Variants in BOLA1 observed in about 807,000 individuals in gnomAD.
BOLA1 encodes the protein bolA-like protein 1.
BOLA1 carries 6 observed loss-of-function variants against 6.6 expected under a neutral mutation model. That is an observed-to-expected ratio of 0.92 (90% CI 0.50 to 1.81). The LOEUF (loss-of-function observed/expected upper bound fraction) is 1.81, where lower values mean the gene tolerates loss of function less well. Ranked by LOEUF, BOLA1 falls within the 40% of genes most tolerant of loss-of-function variation. The pLI, the probability that BOLA1 is intolerant of heterozygous loss-of-function variation, is 0.01. For missense variants in BOLA1, 183 were observed against 186.8 expected (o/e 0.98, Z 0.12); for synonymous variants, 87 against 85.6 (o/e 1.02, Z -0.09).
rs1553761695 is a variant in BOLA1, at chr1:149,900,244, C to T, written c.185C>T (p.Pro62Leu). Residue 62 changes from proline to leucine, a missense_variant, in exon 2 of 2, where the codon CCT becomes CTT. Coordinates refer to ENST00000369152, the MANE Select transcript of BOLA1 (RefSeq NM_016074.5). ...RNESGGHAVP[P>L]GSETHFRVAV... is the part of the protein sequence containing the mutation. Reference sequence around the variant, plus strand: ...GAGAGCGGTGGCCACGCGGTCCCGCCTGGCAGTGAGACTCACTTCCGCGTG... The same window carrying T: ...GAGAGCGGTGGCCACGCGGTCCCGCTTGGCAGTGAGACTCACTTCCGCGTG... 1.2e-6 allele frequency: 2 copies of T among 1,612,870 alleles called. No individual in the cohort carries two copies. The highest frequency in any genetic ancestry group is 1.3e-5 in the African/African-American group (1 of 74,924).
intron 1 of BOLA1, 21 bp from the exon 2 acceptor site, chr1:149,899,989 T>A (rs1260600121): frequency 6.6e-7 from 1 of 1,503,910 alleles, no homozygotes; most frequent in East Asian, 2.3e-5. Context: ...GGGGCGGGTG[T>A]TGACATTGTG....
chr1:149,899,932 C>G lies in BOLA1; in HGVS notation c.-50-78C>G, dbSNP rs587770887. ...CATCAAGGCGGGCTCCCTATAGGAG[C>G]TGGTGTGGACGTCCGGGCGTGGGGT... On this transcript the variant is annotated intron_variant, in intron 1 of 1. Coordinates refer to ENST00000369152, the MANE Select transcript of BOLA1 (RefSeq NM_016074.5). 17 of 1,227,320 alleles carry G rather than the reference C, an allele frequency of 1.4e-5. No homozygotes were observed. The South Asian group carries it at 1.7e-4, about 12-fold the overall frequency. 76.0% of individuals were successfully genotyped at this position (1,227,320 alleles called of 1,614,324 possible).
chr1:149,900,213 C>T lies in BOLA1; in HGVS notation c.154C>T (p.Arg52Cys). The change falls in exon 2 of 2, where the codon CGC becomes TGC. Residue 52 changes from arginine to cysteine, a missense_variant. Physicochemically the swap from Arg to Cys is radical, Grantham distance 180. Transcript: ENST00000369152. Reference protein sequence around the residue: ...EALSPEVLELRNESGGHAVPP... With the variant: ...EALSPEVLELCNESGGHAVPP... ...CCTGAGCCCCGAGGTGCTAGAGCTTCGCAACGAGAGCGGTGGCCACGCGGT... is the reference window on the plus strand; with the variant it reads ...CCTGAGCCCCGAGGTGCTAGAGCTTTGCAACGAGAGCGGTGGCCACGCGGT... 1 of 1,613,576 alleles carries T rather than the reference C, an allele frequency of 6.2e-7. No homozygotes were observed. The highest frequency in any genetic ancestry group is 1.1e-5 in the South Asian group (1 of 91,078).
In BOLA1 at chr1:149,900,753, G is replaced by A. The variant is rs765774693; in HGVS notation, c.*280G>A. 2.8e-5 allele frequency: 11 copies of A among 393,736 alleles called. No individual in the cohort carries two copies. Among genetic ancestry groups the A allele is most frequent in the Non-Finnish European group, 4.6e-5 (10 of 216,090 alleles). The allele number at this position is 393,736 out of a possible 1,614,324, so 24.4% of individuals were successfully genotyped here. A position where few individuals can be genotyped will look rare whatever the true frequency, so the allele number is the denominator to read the frequency against. On this transcript the variant is annotated 3_prime_UTR_variant, in exon 2 of 2. Transcript: ENST00000369152. ...GTGACAGAATTGCACCAGACCTGAT[G>A]AGTTGGAAACAATCCTATACATTAA...
intron 1 of BOLA1, 79 bp from the exon 2 acceptor site, chr1:149,899,931 G>A (rs2092381371): frequency 8.2e-7 from 1 of 1,220,592 alleles, no homozygotes; most frequent in South Asian, 1.5e-5. Context: ...CCCTATAGGA[G>A]CTGGTGTGGA....
chr1:149,899,741 G>T, intron 1 of BOLA1, 69 bp downstream of exon 1: 1 of 358,006 alleles, frequency 2.8e-6, no homozygotes, highest in Admixed American at 4.4e-5. Context: ...GTACGCAGTT[G>T]CACATGCCCT....
rs1219807501 is a variant in BOLA1, at chr1:149,899,994, A to G, written c.-50-16A>G. 9.9e-6 allele frequency: 15 copies of G among 1,512,476 alleles called. No homozygotes were observed. The Admixed American group carries it at 1.3e-4, about 13-fold the overall frequency. The allele number at this position is 1,512,476 out of a possible 1,614,324, so 93.7% of individuals were successfully genotyped here. On this transcript the variant is annotated splice_polypyrimidine_tract_variant and intron_variant, in intron 1 of 1. Transcript: ENST00000369152. Reference sequence around the variant, plus strand: ...CGGGGATCGCGGGGCGGGTGTTGACATTGTGCTCTCACCAGGCGGATCGCC... The same window carrying G: ...CGGGGATCGCGGGGCGGGTGTTGACGTTGTGCTCTCACCAGGCGGATCGCC...
At position 149,900,501 on chromosome 1, in the gene BOLA1, G is replaced by A. The variant is rs782749046; in HGVS notation, c.*28G>A. ...CCCAAGAGAGGGAGGACCAGGATCC[G>A]AATGGGCTGGGTGAGCACGAATTAC... On this transcript the variant is annotated 3_prime_UTR_variant, in exon 2 of 2. Coordinates refer to ENST00000369152, the MANE Select transcript of BOLA1 (RefSeq NM_016074.5). 17 of 1,538,390 alleles carry A rather than the reference G, an allele frequency of 1.1e-5. No homozygotes were observed. The highest frequency in any genetic ancestry group is 3.7e-5 in the South Asian group (3 of 80,602).
intron 1 of BOLA1, 140 bp from the exon 2 acceptor site, chr1:149,899,870 A>C: frequency 1.7e-6 from 1 of 587,490 alleles, no homozygotes; most frequent in Non-Finnish European, 2.8e-6. Flanking sequence ...CACGTCACGT[A>C]GAGAAAAGGG....
Position 149,900,550 on chromosome 1 carries a change from C to A in BOLA1, c.*77C>A. On this transcript the variant is annotated 3_prime_UTR_variant, in exon 2 of 2. Coordinates refer to ENST00000369152, the MANE Select transcript of BOLA1 (RefSeq NM_016074.5). The stretch of plus-strand genomic sequence containing the variant: ...ACCGAGGCCTTCCCTTTGATACAGT[C>A]CAGGATTTGTAAGGGATGAAGACCC... The A allele has an allele frequency of 2.0e-6, 3 of 1,466,006 alleles. No individual in the cohort carries two copies. The highest frequency in any genetic ancestry group is 2.8e-6 in the Non-Finnish European group (3 of 1,090,434). 90.8% of individuals were successfully genotyped at this position (1,466,006 alleles called of 1,614,324 possible).
chr1:149,900,577 T>A lies in BOLA1; in HGVS notation c.*104T>A. The A allele has an allele frequency of 7.6e-7, 1 of 1,311,434 alleles. No individual in the cohort carries two copies. The highest frequency in any genetic ancestry group is 2.4e-5 in the East Asian group (1 of 41,240). The allele number at this position is 1,311,434 out of a possible 1,614,324, so 81.2% of individuals were successfully genotyped here. A position where few individuals can be genotyped will look rare whatever the true frequency, so the allele number is the denominator to read the frequency against. ...AGGATTTGTAAGGGATGAAGACCCC[T>A]GGGCCCCATTCTGTTGGGGTCCATA... On this transcript the variant is annotated 3_prime_UTR_variant, in exon 2 of 2. Transcript: ENST00000369152.
rs368205260 is a variant in BOLA1, at chr1:149,900,082, T to C, written c.23T>C (p.Leu8Pro). The C allele has an allele frequency of 1.2e-6, 2 of 1,601,736 alleles. No individual in the cohort carries two copies. The highest frequency in any genetic ancestry group is 2.7e-5 in the African/African-American group (2 of 74,726). The change falls in exon 2 of 2, where the codon CTG becomes CCG. Residue 8 changes from leucine (L) to proline (P), a missense_variant. Transcript: ENST00000369152. MLSGRLV[L>P]GLVSMAGRVC... ...CCCATGCTGAGTGGGCGGCTGGTCCTGGGTCTGGTCTCCATGGCTGGCCGC... is the reference window on the plus strand; with the variant it reads ...CCCATGCTGAGTGGGCGGCTGGTCCCGGGTCTGGTCTCCATGGCTGGCCGC...
In BOLA1 at chr1:149,900,012, G is replaced by T. The variant is rs2092382108; in HGVS notation, c.-48G>T. On this transcript the variant is annotated splice_region_variant and 5_prime_UTR_variant, in exon 2 of 2. Transcript: ENST00000369152. ...TGTTGACATTGTGCTCTCACCAGGC[G>T]GATCGCCCCGACCCTCACTCCTGGC... 6.5e-7 allele frequency: 1 copy of T among 1,529,416 alleles called. No homozygotes were observed. Among genetic ancestry groups the T allele is most frequent in the African/African-American group, 1.4e-5 (1 of 72,754 alleles). The allele number at this position is 1,529,416 out of a possible 1,614,324, so 94.7% of individuals were successfully genotyped here.
rs375604064 is a variant in BOLA1 at position 149,900,092 on chromosome 1, C to G, written c.33C>G (p.Val11=). 6.2e-7 allele frequency: 1 copy of G among 1,608,112 alleles called. No individual in the cohort carries two copies. The highest frequency in any genetic ancestry group is 8.5e-7 in the Non-Finnish European group (1 of 1,176,080). Residue 11 remains valine (V), a synonymous_variant, in exon 2 of 2, where the codon GTC becomes GTG. Transcript: ENST00000369152. MLSGRLVLGL[V]SMAGRVCLCQ... is the part of the protein sequence containing the mutation. ...GTGGGCGGCTGGTCCTGGGTCTGGTCTCCATGGCTGGCCGCGTTTGTTTGT... is the reference window on the plus strand; with the variant it reads ...GTGGGCGGCTGGTCCTGGGTCTGGTGTCCATGGCTGGCCGCGTTTGTTTGT...
In BOLA1 at chr1:149,900,731, A is replaced by G. The variant is rs1237971241; in HGVS notation, c.*258A>G. ...CCCGGATGTTCCATGTTAAATCGTG[A>G]CAGAATTGCACCAGACCTGATGAGT... On this transcript the variant is annotated 3_prime_UTR_variant, in exon 2 of 2. Transcript: ENST00000369152. 2 of 433,410 alleles carry G rather than the reference A, an allele frequency of 4.6e-6. No individual in the cohort carries two copies. The highest frequency in any genetic ancestry group is 4.0e-5 in the African/African-American group (2 of 49,574). 26.8% of individuals were successfully genotyped at this position (433,410 alleles called of 1,614,324 possible). A position where few individuals can be genotyped will look rare whatever the true frequency, so the allele number is the denominator to read the frequency against.
rs1559781837 is a variant in BOLA1 at position 149,900,453 on chromosome 1, A to G, written c.394A>G (p.Lys132Glu). The G allele has an allele frequency of 6.3e-7, 1 of 1,584,618 alleles. No individual in the cohort carries two copies. The highest frequency in any genetic ancestry group is 8.6e-7 in the Non-Finnish European group (1 of 1,160,578). The change falls in exon 2 of 2, where the codon AAA becomes GAA. Residue 132 changes from lysine to glutamate, a missense_variant. Transcript: ENST00000369152. ...CCCCCCATGCCTGGGTGGGAACAAGAAAACTCTAGGAACCCCCTGAACCCC... is the reference window on the plus strand; with the variant it reads ...CCCCCCATGCCTGGGTGGGAACAAGGAAACTCTAGGAACCCCCTGAACCCC... ...TSPPCLGGNK[K>E]TLGTP is the part of the protein sequence containing the mutation.
In BOLA1 at chr1:149,900,280, G is replaced by A; in HGVS notation, c.221G>A (p.Ser74Asn). The A allele has an allele frequency of 6.2e-7, 1 of 1,613,578 alleles. No homozygotes were observed. Among genetic ancestry groups the A allele is most frequent in the Non-Finnish European group, 8.5e-7 (1 of 1,179,760 alleles). Residue 74 changes from serine to asparagine, a missense_variant, in exon 2 of 2, where the codon AGC becomes AAC. By Grantham distance (46) the Ser-to-Asn change is conservative. Transcript: ENST00000369152. ...ACTCACTTCCGCGTGGCTGTGGTGAGCTCTCGTTTCGAGGGACTGAGCCCC... is the reference window on the plus strand; with the variant it reads ...ACTCACTTCCGCGTGGCTGTGGTGAACTCTCGTTTCGAGGGACTGAGCCCC... ...SETHFRVAVV[S>N]SRFEGLSPLQ...
Position 149,900,646 on chromosome 1 carries a change from C to A in BOLA1, c.*173C>A. 1 of 670,382 alleles carries A rather than the reference C, an allele frequency of 1.5e-6. No individual in the cohort carries two copies. The highest frequency in any genetic ancestry group is 2.4e-6 in the Non-Finnish European group (1 of 412,908). 41.5% of individuals were successfully genotyped at this position (670,382 alleles called of 1,614,324 possible). ...CAACTTGCTTCAGGTCAAAGTGAAC[C>A]CGAGAAAAGAGAAGAATCACTCACT... On this transcript the variant is annotated 3_prime_UTR_variant, in exon 2 of 2. Transcript: ENST00000369152.
Position 149,900,169 on chromosome 1 carries a change from G to C in BOLA1, c.110G>C (p.Arg37Pro), listed in dbSNP as rs782487899. 25 of 1,613,696 alleles carry C rather than the reference G, an allele frequency of 1.5e-5. No individual in the cohort carries two copies. Among genetic ancestry groups the C allele is most frequent in the Non-Finnish European group, 2.1e-5 (25 of 1,179,832 alleles). ...GAIGPVEAAI[R>P]TKLEEALSPE... is the part of the protein sequence containing the mutation. Reference sequence around the variant, plus strand: ...ATCGGTCCGGTGGAGGCCGCCATTCGCACGAAGTTGGAGGAGGCCCTGAGC... The same window carrying C: ...ATCGGTCCGGTGGAGGCCGCCATTCCCACGAAGTTGGAGGAGGCCCTGAGC... The change falls in exon 2 of 2, where the codon CGC becomes CCC. Residue 37 changes from arginine to proline, a missense_variant. Transcript: ENST00000369152.
Sources: allele counts gnomAD v4.1 joint callset, GRCh38; gene constraint gnomAD v4.1.1; transcripts MANE v1.5; gene names NCBI Gene and HGNC (gene_info 2026-07-23, HGNC 2026-07-21).